The following MACROD2 variants were observed in gnomAD, a reference collection of about 807,000 sequenced individuals.
The protein encoded by MACROD2 is ADP-ribose glycohydrolase MACROD2.
MACROD2 carries 36 observed loss-of-function variants against 70.4 expected under a neutral mutation model. That is an observed-to-expected ratio of 0.51 (90% confidence interval 0.39 to 0.68). MACROD2 has a LOEUF of 0.68. Among genes scored for constraint, MACROD2 ranks in the 30% least tolerant of loss-of-function variants. MACROD2 has a pLI of 0.00. For synonymous variants in MACROD2, 172 were observed against 178.8 expected, an observed-to-expected ratio of 0.96 and a Z score of 0.30; for missense variants, 496 against 538.4, an observed-to-expected ratio of 0.92 and a Z score of 0.78.
At chr20:14,988,300 G>A (rs1370144305) in intron 5 of MACROD2, among the ~76,000 whole-genome samples, 2 of 144,250 alleles carry the variant, frequency 1.4e-5, no homozygotes, top group African/African-American at 5.2e-5. Context: ...GGAGGCAGAG[G>A]CTACAGTGAG....
intron 8 of MACROD2, among the ~76,000 whole-genome samples, chr20:15,633,278 G>A (rs1304750787): frequency 6.6e-6 from 1 of 152,100 alleles, no homozygotes; most frequent in Non-Finnish European, 1.5e-5. Flanking sequence ...AACAGCAAGA[G>A]TCACTATTTA....
At chr20:14,594,132 C>T (rs1490611355) in intron 4 of MACROD2, among the ~76,000 whole-genome samples, 1 of 152,170 alleles carries the variant, frequency 6.6e-6, no homozygotes, top group Non-Finnish European at 1.5e-5. Context: ...AACTTTGCCT[C>T]AGGGAGTTGT....
chr20:14,912,619 G>A (rs977701512), intron 5 of MACROD2, among the ~76,000 whole-genome samples: 1 of 152,090 alleles, frequency 6.6e-6, no homozygotes, highest in African/African-American at 2.4e-5. Context: ...GGTGAATTGC[G>A]ACTGTTGAAC....
chr20:14,842,351 T>C (rs2073096129), intron 5 of MACROD2, among the ~76,000 whole-genome samples: 2 of 152,054 alleles, frequency 1.3e-5, no homozygotes, highest in African/African-American at 2.4e-5. Flanking sequence ...GAGGGGACAT[T>C]CAAACCATAG....
At chr20:15,033,733 T>C (rs1469475072) in intron 5 of MACROD2, among the ~76,000 whole-genome samples, 2 of 152,186 alleles carry the variant, frequency 1.3e-5, no homozygotes, top group African/African-American at 4.8e-5. Flanking sequence ...AAGACACTAA[T>C]GGAAATTAAA....
chr20:14,663,838 T>C (rs1174020892), intron 4 of MACROD2, among the ~76,000 whole-genome samples: 12 of 152,194 alleles, frequency 7.9e-5, no homozygotes, highest in African/African-American at 2.6e-4. Context: ...AAACTCTTGG[T>C]CATATAACAT....
chr20:14,635,995 G>A (rs1984766959), intron 4 of MACROD2, among the ~76,000 whole-genome samples: 2 of 152,058 alleles, frequency 1.3e-5, no homozygotes, highest in Admixed American at 6.5e-5. Context: ...TGGGAAAAGT[G>A]GAATTTGATT....
intron 3 of MACROD2, chr20:14,128,248 A>G (rs1413836299): frequency 9.4e-6 from 3 of 318,094 alleles, no homozygotes; most frequent in Admixed American, 3.7e-5. Context: ...TATGATGAGT[A>G]TGTGGCTATA....
intron 13 of MACROD2, among the ~76,000 whole-genome samples, chr20:15,970,248 G>A (rs1040479515): frequency 6.6e-6 from 1 of 152,040 alleles, no homozygotes; most frequent in African/African-American, 2.4e-5. Flanking sequence ...CAGATAGAAG[G>A]CCAAAGATAA....
intron 6 of MACROD2, among the ~76,000 whole-genome samples, chr20:15,315,410 T>G (rs1182443732): frequency 6.6e-6 from 1 of 151,916 alleles, no homozygotes; most frequent in African/African-American, 2.4e-5. Context: ...AACCAAACTG[T>G]TAAACACTAG....
chr20:14,448,676 A>AAAAG lies in MACROD2; in HGVS notation c.272-44782_272-44779dup, dbSNP rs1225122958. 4.1e-5 allele frequency among the ~76,000 whole-genome samples: 6 copies of AAAAG among 146,822 alleles called. 1 individual carries two copies. Among genetic ancestry groups the AAAAG allele is most frequent in the African/African-American group, 1.5e-4 (6 of 40,724 alleles). ...GATCGACACTCCCTCTCAGAAAAAA[A>AAAAG]AAAGAAAGAAAGAAAGAAAGAAAGG... is the stretch of plus-strand genomic sequence containing the variant. On this transcript the variant is annotated intron_variant, in intron 3 of 17. Coordinates refer to ENST00000684519, the MANE Select transcript of MACROD2 (RefSeq NM_001351661.2).
At chr20:15,256,279 G>A (rs533216371) in intron 6 of MACROD2, among the ~76,000 whole-genome samples, 26 of 152,030 alleles carry the variant, frequency 1.7e-4, no homozygotes, top group African/African-American at 5.8e-4. Context: ...GTTTGGACAC[G>A]AGATTTGTTT....
chr20:15,110,196 G>A (rs2075943974), intron 5 of MACROD2, among the ~76,000 whole-genome samples: 1 of 152,104 alleles, frequency 6.6e-6, no homozygotes, highest in African/African-American at 2.4e-5. Flanking sequence ...GTGCAGTGGT[G>A]CCCAAGGAGA....
At chr20:15,926,960 A>G (rs747784395) in intron 10 of MACROD2, among the ~76,000 whole-genome samples, 50 of 152,198 alleles carry the variant, frequency 3.3e-4, no homozygotes, top group Non-Finnish European at 5.4e-4. Context: ...TGAAGCAGCA[A>G]AACACATCAG....
chr20:15,476,934 C>T (rs77491502), intron 7 of MACROD2, among the ~76,000 whole-genome samples: 149 of 152,190 alleles, frequency 9.8e-4, no homozygotes, highest in Non-Finnish European at 1.9e-3. Context: ...GGAAAAATCT[C>T]GAATTACTCA....
chr20:15,371,378 A>G (rs2045491555), intron 6 of MACROD2, among the ~76,000 whole-genome samples: 2 of 152,162 alleles, frequency 1.3e-5, no homozygotes, highest in Admixed American at 1.3e-4. Context: ...CAATTTACTC[A>G]TAACTGCTTT....
chr20:15,306,904 C>T (rs1432647480), intron 6 of MACROD2, among the ~76,000 whole-genome samples: 1 of 152,138 alleles, frequency 6.6e-6, no homozygotes, highest in Non-Finnish European at 1.5e-5. Context: ...AATGTCCAAG[C>T]ATGGCAACAG....
At chr20:15,208,711 C>A (rs1027342252) in intron 5 of MACROD2, among the ~76,000 whole-genome samples, 20 of 152,148 alleles carry the variant, frequency 1.3e-4, no homozygotes, top group African/African-American at 4.8e-4. Flanking sequence ...CCCTGCTGGG[C>A]TTCAGCTAGT....
intron 8 of MACROD2, among the ~76,000 whole-genome samples, chr20:15,519,080 T>C (rs2047610504): frequency 6.9e-6 from 1 of 144,466 alleles, no homozygotes; most frequent in African/African-American, 2.6e-5. Context: ...CCTTCCTTCC[T>C]TCCTTCCTTC....
Sources: gnomAD v4.1 joint callset for allele counts (sites outside exome capture counted in the v4.1 genomes callset) on GRCh38, gnomAD v4.1.1 for gene constraint, MANE v1.5 for transcripts, NCBI Gene and HGNC (gene_info 2026-07-23, HGNC 2026-07-21) for gene names.